Variants in STAMBP observed in about 807,000 individuals in gnomAD.
STAMBP encodes the protein STAM binding protein.
STAMBP carries 31 observed loss-of-function variants against 50.7 expected under a neutral mutation model. The ratio of observed to expected loss-of-function variants is 0.61; its 90% confidence interval spans 0.46 to 0.83. The LOEUF (loss-of-function observed/expected upper bound fraction) is 0.83. Among genes scored for constraint, STAMBP ranks in the 40% least tolerant of loss-of-function variants. The pLI, the probability that STAMBP is intolerant of heterozygous loss-of-function variation, is 0.00. For synonymous variants in STAMBP, 211 were observed against 192.4 expected (o/e 1.10, Z -0.80); for missense variants, 472 against 518.9 (o/e 0.91, Z 0.88).
At chr2:73,860,261 CT>C (rs1292659815) in intron 9 of STAMBP, 110 bp downstream of exon 9, 11 of 859,474 alleles carry the variant, frequency 1.3e-5, no homozygotes, top group Non-Finnish European at 2.0e-5. Context: ...AGCTTTGTCA[CT>C]TACCTTGCCA....
In STAMBP at chr2:73,845,405, A is replaced by G. The variant is rs140003686; in HGVS notation, c.375+143A>G. 10 of 628,682 alleles carry G rather than the reference A, an allele frequency of 1.6e-5. No individual in the cohort carries two copies. The East Asian group carries it at 2.5e-4, about 16-fold the overall frequency. 38.9% of individuals were successfully genotyped at this position (628,682 alleles called of 1,614,324 possible). A position where few individuals can be genotyped will look rare whatever the true frequency, so the allele number is the denominator to read the frequency against. On this transcript the variant is annotated intron_variant, in intron 4 of 9. Coordinates refer to ENST00000394070, the MANE Select transcript of STAMBP (RefSeq NM_213622.4). ...GCAAAGACCAGAAACTCAAAAAAGT[A>G]GAACACCAGTGGTTAGGCTCAGGGT...
chr2:73,836,181 A>G (rs984356086), intron 2 of STAMBP, among the ~76,000 whole-genome samples: 4 of 152,274 alleles, frequency 2.6e-5, no homozygotes, highest in African/African-American at 9.6e-5. Context: ...CTACAGGTAC[A>G]TTCTTTCCAC....
Position 73,860,159 on chromosome 2 carries a change from T to C in STAMBP, c.1218+8T>C, listed in dbSNP as rs777190681. 17 of 1,610,730 alleles carry C rather than the reference T, an allele frequency of 1.1e-5. No homozygotes were observed. The highest frequency in any genetic ancestry group is 1.4e-5 in the Non-Finnish European group (17 of 1,177,990). ...GATCCACCTCTGTTCTGTGTACGTATCTATGTAAAAGAAAATGGGGCTATG... is the reference window on the plus strand; with the variant it reads ...GATCCACCTCTGTTCTGTGTACGTACCTATGTAAAAGAAAATGGGGCTATG... On this transcript the variant is annotated splice_region_variant and intron_variant, in intron 9 of 9. Coordinates refer to ENST00000394070, the MANE Select transcript of STAMBP (RefSeq NM_213622.4).
At chr2:73,848,188 A>G (rs1676376782) in intron 5 of STAMBP, among the ~76,000 whole-genome samples, 1 of 152,076 alleles carries the variant, frequency 6.6e-6, no homozygotes, top group African/African-American at 2.4e-5. Flanking sequence ...ATATGAAAAT[A>G]TAGCTGTGAG....
chr2:73,854,213 A>G (rs562975059), intron 7 of STAMBP, among the ~76,000 whole-genome samples: 1 of 152,318 alleles, frequency 6.6e-6, no homozygotes, highest in South Asian at 2.1e-4. Context: ...GATTTTTGAA[A>G]TGATGTCTGG....
Position 73,863,420 on chromosome 2 carries a change from A to C in STAMBP, c.*1161A>C, listed in dbSNP as rs1409018554. On this transcript the variant is annotated 3_prime_UTR_variant, in exon 10 of 10. Transcript: ENST00000394070. ...AAATACTTTGGCTAGGAGAAGAGTG[A>C]TTTATTCTTTATCAGAATTCTAGGT... 2 of 152,046 alleles carry C rather than the reference A, an allele frequency of 1.3e-5. No individual in the cohort carries two copies. Among genetic ancestry groups the C allele is most frequent in the Non-Finnish European group, 2.9e-5 (2 of 68,002 alleles). The allele number at this position is 152,046 out of a possible 1,614,324, so 9.4% of individuals were successfully genotyped here. A position where few individuals can be genotyped will look rare whatever the true frequency, so the allele number is the denominator to read the frequency against.
intron 1 of STAMBP, among the ~76,000 whole-genome samples, chr2:73,830,094 C>T (rs1331894673): frequency 6.6e-6 from 1 of 152,202 alleles, no homozygotes; most frequent in Non-Finnish European, 1.5e-5. Flanking sequence ...ACTAGAATTA[C>T]TGGAGTTTTG....
At chr2:73,848,344 G>C (rs1676393232) in intron 5 of STAMBP, among the ~76,000 whole-genome samples, 1 of 151,992 alleles carries the variant, frequency 6.6e-6, no homozygotes, top group African/African-American at 2.4e-5. Context: ...TTTTGTTGTG[G>C]TTTGGCATTT....
At chr2:73,868,380 G>T, downstream of STAMBP, among the ~76,000 whole-genome samples, 1 of 152,052 alleles carries the variant, frequency 6.6e-6, no homozygotes, top group Non-Finnish European at 1.5e-5. Context: ...TCGGATGGCA[G>T]CCCAGGTCTA....
chr2:73,850,827 A>G lies in STAMBP; in HGVS notation c.1005+314A>G, dbSNP rs1474774255. ...TAGAATATAAGTGGACATTGACCTT[A>G]GAGACTATGCCTACTGTGTACAGAT... On this transcript the variant is annotated intron_variant, in intron 7 of 9. Transcript: ENST00000394070. The surrounding 1 kb of genome is among the most constrained non-coding windows in gnomAD (Gnocchi z 4.3). 1.3e-5 allele frequency among the ~76,000 whole-genome samples: 2 copies of G among 152,210 alleles called. No homozygotes were observed. Among genetic ancestry groups the G allele is most frequent in the Non-Finnish European group, 2.9e-5 (2 of 68,036 alleles).
intron 2 of STAMBP, among the ~76,000 whole-genome samples, chr2:73,840,613 A>G (rs1675271489): frequency 1.3e-5 from 2 of 151,828 alleles, no homozygotes; most frequent in Admixed American, 1.3e-4. Context: ...GCGTGGTAGC[A>G]GGTGCCTCTA....
chr2:73,834,216 AAAAAAAAAAAAAAAAAAAAAATATATAT>A (rs1362787536), intron 2 of STAMBP, among the ~76,000 whole-genome samples: 1 of 14,520 alleles, frequency 6.9e-5, no homozygotes, highest in African/African-American at 3.8e-4. Context: ...TCTTAAAAAA[AAAAAAAAAAAAAAAAAAAAAATATATAT>A]ATATATATAT....
chr2:73,830,631 GT>G (rs1673784005), intron 1 of STAMBP, among the ~76,000 whole-genome samples: 1 of 152,222 alleles, frequency 6.6e-6, no homozygotes, highest in Admixed American at 6.5e-5. Context: ...GGGGTTGTAT[GT>G]TTTCTAGTCT....
Position 73,864,019 on chromosome 2 carries a change from A to C in STAMBP, c.*1760A>C, listed in dbSNP as rs187075515. Reference sequence around the variant, plus strand: ...TCAGAACTTTCCACTTAAAGTTCTTACCCCTGGCTATATATTCAAATATCT... The same window carrying C: ...TCAGAACTTTCCACTTAAAGTTCTTCCCCCTGGCTATATATTCAAATATCT... On this transcript the variant is annotated 3_prime_UTR_variant, in exon 10 of 10. Transcript: ENST00000394070. 53 of 152,322 alleles carry C rather than the reference A, an allele frequency of 3.5e-4. No homozygotes were observed. Among genetic ancestry groups the C allele is most frequent in the African/African-American group, 1.3e-3 (53 of 41,580 alleles). 9.4% of individuals were successfully genotyped at this position (152,322 alleles called of 1,614,324 possible). A position where few individuals can be genotyped will look rare whatever the true frequency, so the allele number is the denominator to read the frequency against.
At chr2:73,845,819 A>T (rs1675988311) in intron 4 of STAMBP, among the ~76,000 whole-genome samples, 1 of 152,182 alleles carries the variant, frequency 6.6e-6, no homozygotes, top group Non-Finnish European at 1.5e-5. Flanking sequence ...TTTAGTAGAG[A>T]TGGGGTTTCA....
intron 2 of STAMBP, among the ~76,000 whole-genome samples, chr2:73,842,933 G>A (rs1675582198): frequency 1.3e-5 from 2 of 152,106 alleles, no homozygotes; most frequent in South Asian, 2.1e-4. Flanking sequence ...AAAACATAGT[G>A]TTTATATGAC....
chr2:73,837,911 A>G (rs936896101), intron 2 of STAMBP, among the ~76,000 whole-genome samples: 1 of 152,162 alleles, frequency 6.6e-6, no homozygotes, highest in Admixed American at 6.5e-5. Context: ...GAGGTTCAAG[A>G]GGCAGGAGGA....
intron 5 of STAMBP, 133 bp from the exon 6 acceptor site, chr2:73,849,230 G>T: frequency 7.5e-7 from 1 of 1,328,338 alleles, no homozygotes; most frequent in Non-Finnish European, 1.1e-6. Flanking sequence ...ATTAGAATGA[G>T]ATCCCTACTC....
At position 73,850,453 on chromosome 2, in the gene STAMBP, C is replaced by A. The variant is rs560829426; in HGVS notation, c.945C>A (p.Asn315Lys). The A allele has an allele frequency of 6.2e-7, 1 of 1,613,678 alleles. No individual in the cohort carries two copies. The highest frequency in any genetic ancestry group is 8.5e-7 in the Non-Finnish European group (1 of 1,179,904). Residue 315 changes from asparagine to lysine, a missense_variant, in exon 7 of 10, where the codon AAC becomes AAA. Transcript: ENST00000394070. The surrounding 1 kb of genome is among the most constrained non-coding windows in gnomAD (Gnocchi z 4.3). ...GGTCTGATTACTGCAACACAGAGAA[C>A]GAAGAAGAACTTTTCCTCATACAGG... is the stretch of plus-strand genomic sequence containing the variant. ...SAGSDYCNTE[N>K]EEELFLIQDQ...
Sources: gnomAD v4.1 joint callset for allele counts (sites outside exome capture counted in the v4.1 genomes callset) on GRCh38, gnomAD v4.1.1 for gene constraint, Gnocchi (gnomAD v3.1) non-coding constraint, MANE v1.5 for transcripts, NCBI Gene and HGNC (gene_info 2026-07-23, HGNC 2026-07-21) for gene names.